The following KMT2B variants were observed in gnomAD, a reference collection of about 807,000 sequenced individuals.
KMT2B encodes histone-lysine N-methyltransferase 2B.
In KMT2B, 22 loss-of-function variants were observed where a neutral mutation model predicts 255.3. The ratio of observed to expected loss-of-function variants is 0.09; its 90% CI spans 0.06 to 0.12. KMT2B has a LOEUF of 0.12. KMT2B is among the 10% of genes least tolerant of loss of function. KMT2B has a pLI of 1.00. For synonymous variants in KMT2B, 1,730 were observed against 1,498.1 expected (o/e 1.15, Z -3.57); for missense variants, 3,149 against 3,737.0 (o/e 0.84, Z 4.10).
Position 35,727,502 on chromosome 19 carries a change from T to C in KMT2B, c.4182T>C (p.Ala1394=), listed in dbSNP as rs1274129961. The part of the protein sequence containing the change: ...DSVLYTCGPC[A]GAAQPRWREA... ...TGCTGTACACCTGCGGACCGTGTGC[T>C]GGGGCAGCGCAGCCCCGCTGGCGAG... Residue 1394 remains alanine, a synonymous_variant, in exon 16 of 37, where the codon GCT becomes GCC. Coordinates refer to ENST00000420124, the MANE Select transcript of KMT2B (RefSeq NM_014727.3). The surrounding 1 kb of genome is among the most constrained non-coding windows in gnomAD (Gnocchi z 4.2). 6.2e-7 allele frequency: 1 copy of C among 1,611,718 alleles called. No homozygotes were observed. The highest frequency in any genetic ancestry group is 8.5e-7 in the Non-Finnish European group (1 of 1,179,814).
Position 35,725,678 on chromosome 19 carries a change from C to CCCTG in KMT2B, c.3790-44_3790-41dup, listed in dbSNP as rs768383668. On this transcript the variant is annotated intron_variant, in intron 12 of 36. Coordinates refer to ENST00000420124, the MANE Select transcript of KMT2B (RefSeq NM_014727.3). This position sits in a 1 kb window ranked among gnomAD's most constrained non-coding sequence, Gnocchi z 4.1. Reference sequence around the variant, plus strand: ...GGTGGAGGCCTGAAGGTGAGGGCATCCCTGTGCCAGCAGGTTTCGCCATCT... The same window carrying CCCTG: ...GGTGGAGGCCTGAAGGTGAGGGCATCCCTGCCTGTGCCAGCAGGTTTCGCCATCT... The CCCTG allele has an allele frequency of 6.2e-7, 1 of 1,613,078 alleles. No individual in the cohort carries two copies. The highest frequency in any genetic ancestry group is 1.1e-5 in the South Asian group (1 of 91,070).
chr19:35,722,409 C>G lies in KMT2B; in HGVS notation c.2508C>G (p.Ile836Met), dbSNP rs1265433345. The change falls in exon 4 of 37, where the codon ATC becomes ATG. Residue 836 changes from isoleucine (I) to methionine (M), a missense_variant. Ile to Met is a conservative substitution (Grantham distance 10). Coordinates refer to ENST00000420124, the MANE Select transcript of KMT2B (RefSeq NM_014727.3). The stretch of plus-strand genomic sequence containing the variant: ...AGGTGGCCGGGGCTGTCAAGCAGAT[C>G]TCCGACAGAGGCCCTGTCCGGTCTG... ...MEEVAGAVKQ[I>M]SDRGPVRSED... 6.2e-7 allele frequency: 1 copy of G among 1,611,118 alleles called. No homozygotes were observed. The highest frequency in any genetic ancestry group is 8.5e-7 in the Non-Finnish European group (1 of 1,179,832).
rs375287810 is a variant in KMT2B, at chr19:35,732,071, G to T, written c.5601G>T (p.Val1867=). The T allele has an allele frequency of 6.0e-5, 97 of 1,610,524 alleles. No homozygotes were observed. The highest frequency in any genetic ancestry group is 8.1e-5 in the Non-Finnish European group (95 of 1,178,588). ...CTTTTTCGGGGGCTCGAATCAAAGT[G>T]CCCAACTACTCGCCATCCCGGAGGC... ...PRSFSGARIK[V]PNYSPSRRPL... The change falls in exon 27 of 37, where the codon GTG becomes GTT. Residue 1867 remains valine (V), a synonymous_variant. Transcript: ENST00000420124.
chr19:35,731,877 A>T (rs772208950), intron 26 of KMT2B, 31 bp from the exon 27 acceptor site: 10 of 1,521,312 alleles, frequency 6.6e-6, no homozygotes, highest in Non-Finnish European at 9.1e-6. Context: ...CAGAGCCCCT[A>T]CCACCCCAAT....
chr19:35,728,634 G>C (rs1969562416), intron 19 of KMT2B, 140 bp from the exon 20 acceptor site: 1 of 678,556 alleles, frequency 1.5e-6, no homozygotes, highest in Admixed American at 2.1e-5. Flanking sequence ...AAGAGGGCCT[G>C]GCTTATTTGG....
Position 35,732,206 on chromosome 19 carries a change from C to T in KMT2B, c.5666-9C>T. On this transcript the variant is annotated splice_polypyrimidine_tract_variant and intron_variant, in intron 27 of 36. Coordinates refer to ENST00000420124, the MANE Select transcript of KMT2B (RefSeq NM_014727.3). ...GGAGCTGCTGGTAACACCAACCCTC[C>T]CCCCACAGGAAGTCCATCTTCACTG... The T allele has an allele frequency of 6.3e-7, 1 of 1,580,146 alleles. No individual in the cohort carries two copies. The highest frequency in any genetic ancestry group is 2.3e-5 in the East Asian group (1 of 43,120).
At position 35,720,786 on chromosome 19, in the gene KMT2B, C is replaced by T. The variant is rs909409167; in HGVS notation, c.1439C>T (p.Ala480Val). 1.6e-5 allele frequency: 24 copies of T among 1,486,510 alleles called. No homozygotes were observed. The highest frequency in any genetic ancestry group is 2.3e-5 in the Admixed American group (1 of 42,910). The allele number at this position is 1,486,510 out of a possible 1,614,324, so 92.1% of individuals were successfully genotyped here. A position where few individuals can be genotyped will look rare whatever the true frequency, so the allele number is the denominator to read the frequency against. Residue 480 changes from alanine to valine, a missense_variant, in exon 3 of 37, where the codon GCG (alanine) becomes GTG (valine). Ala to Val is a moderately conservative substitution (Grantham distance 64, BLOSUM62 0). This residue lies in a region of KMT2B where 1,188 missense variants were observed against 1,106.4 expected (regional missense o/e 1.07). Coordinates refer to ENST00000420124, the MANE Select transcript of KMT2B (RefSeq NM_014727.3). ...CCTCCCCTGACTCCCAGCCAGCGGG[C>T]GGAGCGGGAAGCTGCTCGGGCAGGG... ...GRPPLTPSQR[A>V]EREAARAGPE...
At position 35,722,482 on chromosome 19, in the gene KMT2B, G is replaced by A. The variant is rs746276529; in HGVS notation, c.2571+10G>A. On this transcript the variant is annotated intron_variant, in intron 4 of 36. Transcript: ENST00000420124. ...GAGAGAGCGGCCCTCAGTATGCATC[G>A]GGAGGAGGGCCCTGAAGAAGACTGG... The A allele has an allele frequency of 1.4e-5, 22 of 1,605,786 alleles. 1 individual carries two copies. The highest frequency in any genetic ancestry group is 1.8e-5 in the Non-Finnish European group (21 of 1,179,322).
chr19:35,724,126 G>A (rs1036016141), intron 8 of KMT2B, 119 bp downstream of exon 8: 12 of 997,694 alleles, frequency 1.2e-5, no homozygotes, highest in Non-Finnish European at 2.9e-6. Flanking sequence ...GGTGGCTGAG[G>A]GCGGAGGAGG....
Position 35,723,812 on chromosome 19 carries a change from CG to C in KMT2B, c.3145del (p.Ala1049ArgfsTer133). The C allele has an allele frequency of 1.3e-6, 2 of 1,592,866 alleles. No homozygotes were observed. The highest frequency in any genetic ancestry group is 1.8e-5 in the Admixed American group (1 of 56,300). ...EASPGPPGPR[R>X]GAGAGGPREE... ...CTCCCCTGGTCCTCCAGGCCCACGC[CG>C]GGGGGCGGGAGCTGGGGGGCCCCGG... On this transcript the variant is annotated frameshift_variant, in exon 8 of 37. Coordinates refer to ENST00000420124, the MANE Select transcript of KMT2B (RefSeq NM_014727.3). LOFTEE classifies it high-confidence loss of function. This position sits in a 1 kb window ranked among gnomAD's most constrained non-coding sequence, Gnocchi z 7.5.
chr19:35,725,434 G>A lies in KMT2B; in HGVS notation c.3643-45G>A. On this transcript the variant is annotated intron_variant, in intron 11 of 36. Coordinates refer to ENST00000420124, the MANE Select transcript of KMT2B (RefSeq NM_014727.3). The surrounding 1 kb of genome is among the most constrained non-coding windows in gnomAD (Gnocchi z 4.1). Reference sequence around the variant, plus strand: ...GCTGGGTCTCATCCCTTGGCCCTCTGGCCTCATGCTATGCCCATCATTCAC... The same window carrying A: ...GCTGGGTCTCATCCCTTGGCCCTCTAGCCTCATGCTATGCCCATCATTCAC... The A allele has an allele frequency of 6.2e-7, 1 of 1,602,778 alleles. No homozygotes were observed. Among genetic ancestry groups the A allele is most frequent in the Non-Finnish European group, 8.5e-7 (1 of 1,175,946 alleles).
At position 35,718,391 on chromosome 19, in the gene KMT2B, T is replaced by G; in HGVS notation, c.363+10T>G. ...GGAATCCGACGAGGAGGTGAGGCGG[T>G]TGGAGGCGTCCCCGGCGCCGGGTGG... On this transcript the variant is annotated intron_variant, in intron 1 of 36. Coordinates refer to ENST00000420124, the MANE Select transcript of KMT2B (RefSeq NM_014727.3). This position sits in a 1 kb window ranked among gnomAD's most constrained non-coding sequence, Gnocchi z 5.0. 1 of 1,258,162 alleles carries G rather than the reference T, an allele frequency of 7.9e-7. No homozygotes were observed. Among genetic ancestry groups the G allele is most frequent in the Non-Finnish European group, 1.0e-6 (1 of 993,680 alleles). 77.9% of individuals were successfully genotyped at this position (1,258,162 alleles called of 1,614,324 possible).
At position 35,718,758 on chromosome 19, in the gene KMT2B, C is replaced by T. The variant is rs949487747; in HGVS notation, c.363+377C>T. ...GGCAGACAGGTTGGAGCTGTCTGGG[C>T]TCTTACCTGTGGGCCGCCCCGCCGG... is the stretch of plus-strand genomic sequence containing the variant. On this transcript the variant is annotated intron_variant, in intron 1 of 36. Coordinates refer to ENST00000420124, the MANE Select transcript of KMT2B (RefSeq NM_014727.3). This position sits in a 1 kb window ranked among gnomAD's most constrained non-coding sequence, Gnocchi z 5.0. 1.3e-5 allele frequency among the ~76,000 whole-genome samples: 2 copies of T among 152,148 alleles called. No individual in the cohort carries two copies. Among genetic ancestry groups the T allele is most frequent in the Non-Finnish European group, 2.9e-5 (2 of 68,020 alleles).
chr19:35,727,149 T>TC lies in KMT2B; in HGVS notation c.4004-6dup. The TC allele has an allele frequency of 6.2e-7, 1 of 1,604,104 alleles. No individual in the cohort carries two copies. Among genetic ancestry groups the TC allele is most frequent in the South Asian group, 1.1e-5 (1 of 89,596 alleles). ...CACCTCTGACTCCTTCTCTTCCCTT[T>TC]CTCTAGGAAACTACTGCCCGATCTG... On this transcript the variant is annotated splice_region_variant and splice_polypyrimidine_tract_variant and intron_variant, in intron 14 of 36. Transcript: ENST00000420124. This position sits in a 1 kb window ranked among gnomAD's most constrained non-coding sequence, Gnocchi z 4.2.
At chr19:35,730,187 C>A in intron 23 of KMT2B, 62 bp downstream of exon 23, 1 of 1,605,378 alleles carries the variant, frequency 6.2e-7, no homozygotes, top group South Asian at 1.1e-5. Flanking sequence ...CACTTAGGGA[C>A]CCCCGTGGCC....
Position 35,733,275 on chromosome 19 carries a change from G to A in KMT2B, c.6726G>A (p.Val2242=). 1 of 1,481,034 alleles carries A rather than the reference G, an allele frequency of 6.8e-7. No individual in the cohort carries two copies. The highest frequency in any genetic ancestry group is 9.2e-7 in the Non-Finnish European group (1 of 1,089,152). 91.7% of individuals were successfully genotyped at this position (1,481,034 alleles called of 1,614,324 possible). A position where few individuals can be genotyped will look rare whatever the true frequency, so the allele number is the denominator to read the frequency against. The change falls in exon 28 of 37, where the codon GTG becomes GTA. Residue 2242 remains valine, a synonymous_variant. Coordinates refer to ENST00000420124, the MANE Select transcript of KMT2B (RefSeq NM_014727.3). This position sits in a 1 kb window ranked among gnomAD's most constrained non-coding sequence, Gnocchi z 4.3. ...WTLPPGPLLG[V]LPVVGVVRPA... is the part of the protein sequence containing the mutation. ...TGCCCCCAGGCCCCCTCCTCGGCGT[G>A]CTGCCCGTGGTCGGAGTGGTCCGCC...
rs1324713100 is a variant in KMT2B, at chr19:35,725,862, T to A, written c.3885+44T>A. 1 of 1,480,726 alleles carries A rather than the reference T, an allele frequency of 6.8e-7. No homozygotes were observed. Among genetic ancestry groups the A allele is most frequent in the Non-Finnish European group, 9.2e-7 (1 of 1,082,862 alleles). The allele number at this position is 1,480,726 out of a possible 1,614,324, so 91.7% of individuals were successfully genotyped here. On this transcript the variant is annotated intron_variant, in intron 13 of 36. Coordinates refer to ENST00000420124, the MANE Select transcript of KMT2B (RefSeq NM_014727.3). This position sits in a 1 kb window ranked among gnomAD's most constrained non-coding sequence, Gnocchi z 4.1. ...CCACTTGCTTTGTCTCTAATGAATA[T>A]CACCACCACCCCCAAACTTGCTCTA...
At position 35,733,920 on chromosome 19, in the gene KMT2B, C is replaced by T; in HGVS notation, c.7159+48C>T. 7.3e-7 allele frequency: 1 copy of T among 1,370,234 alleles called. No homozygotes were observed. The allele number at this position is 1,370,234 out of a possible 1,614,324, so 84.9% of individuals were successfully genotyped here. A position where few individuals can be genotyped will look rare whatever the true frequency, so the allele number is the denominator to read the frequency against. Reference sequence around the variant, plus strand: ...CCCTCCTTGCCTGTGCCTGGCTCAGCTGGGTGACTCACAGATGCAAAATCA... The same window carrying T: ...CCCTCCTTGCCTGTGCCTGGCTCAGTTGGGTGACTCACAGATGCAAAATCA... On this transcript the variant is annotated intron_variant, in intron 30 of 36. Coordinates refer to ENST00000420124, the MANE Select transcript of KMT2B (RefSeq NM_014727.3). This position sits in a 1 kb window ranked among gnomAD's most constrained non-coding sequence, Gnocchi z 4.3.
Position 35,722,329 on chromosome 19 carries a change from C to T in KMT2B, c.2458-30C>T, listed in dbSNP as rs372791201. On this transcript the variant is annotated intron_variant, in intron 3 of 36. Transcript: ENST00000420124. ...CCTGTCCCTATCTTTCCTCACTGTC[C>T]AGCCCCTGACCCTGTTTATTCCCTG... 3.8e-6 allele frequency: 6 copies of T among 1,575,184 alleles called. No individual in the cohort carries two copies. The Admixed American group carries it at 9.1e-5, about 24-fold the overall frequency.
Sources: allele counts gnomAD v4.1 joint callset (sites outside exome capture counted in the v4.1 genomes callset), GRCh38; gene constraint gnomAD v4.1.1; regional missense constraint gnomAD v4.1.1; non-coding constraint Gnocchi (gnomAD v3.1); transcripts MANE v1.5; gene names NCBI Gene and HGNC (gene_info 2026-07-23, HGNC 2026-07-21).